The following MKRN2 variants were observed in gnomAD, a reference collection of about 807,000 sequenced individuals.
MKRN2 encodes the protein E3 ubiquitin-protein ligase makorin-2.
A neutral mutation model predicts 45.4 loss-of-function variants in MKRN2; 32 were observed. That is an observed-to-expected ratio of 0.70 (90% CI 0.53 to 0.95). The LOEUF is 0.95. Among genes scored for constraint, MKRN2 ranks in the 40% least tolerant of loss-of-function variants. The pLI is 0.00. For synonymous variants in MKRN2, 206 were observed against 192.4 expected, an observed-to-expected ratio of 1.07 and a Z score of -0.59; for missense variants, 526 against 536.7, an observed-to-expected ratio of 0.98 and a Z score of 0.20.
At chr3:12,571,888 G>A (rs2125304425) in intron 3 of MKRN2, among the ~76,000 whole-genome samples, 181 bp from the exon 4 acceptor site, 1 of 151,758 alleles carries the variant, frequency 6.6e-6, no homozygotes, top group South Asian at 2.1e-4. Flanking sequence ...TATAAGTAAT[G>A]TCACTATGAA....
At chr3:12,573,994 C>T (rs959032780) in intron 4 of MKRN2, among the ~76,000 whole-genome samples, 1 of 152,168 alleles carries the variant, frequency 6.6e-6, no homozygotes, top group Non-Finnish European at 1.5e-5. Context: ...TTACCATGGC[C>T]TCCCAGAGTA....
At chr3:12,569,429 G>C (rs755284820) in intron 2 of MKRN2, among the ~76,000 whole-genome samples, 19 of 151,920 alleles carry the variant, frequency 1.3e-4, no homozygotes, top group Non-Finnish European at 2.2e-4. Context: ...CAAAGTGCTG[G>C]AATTACAGGC....
chr3:12,569,412 AGCTTCCCAAAGT>A (rs1183647319), intron 2 of MKRN2, among the ~76,000 whole-genome samples: 34 of 151,570 alleles, frequency 2.2e-4, no homozygotes, highest in Non-Finnish European at 2.9e-5. Context: ...CTCCCGCCTC[AGCTTCCCAAAGT>A]GCTGGAATTA....
At chr3:12,573,045 G>A (rs1235934809) in intron 4 of MKRN2, among the ~76,000 whole-genome samples, 2 of 152,146 alleles carry the variant, frequency 1.3e-5, no homozygotes, top group African/African-American at 4.8e-5. Context: ...TCCCTCCCTG[G>A]GTTCACACTT....
intron 1 of MKRN2, among the ~76,000 whole-genome samples, chr3:12,567,839 T>A (rs959322176): frequency 6.6e-6 from 1 of 152,178 alleles, no homozygotes; most frequent in Non-Finnish European, 1.5e-5. Context: ...CTCTACTGTT[T>A]GAGTATTCAC....
At chr3:12,569,168 C>CTT (rs796210183) in intron 2 of MKRN2, among the ~76,000 whole-genome samples, 165 bp downstream of exon 2, 1 of 146,434 alleles carries the variant, frequency 6.8e-6, no homozygotes, top group African/African-American at 2.5e-5. Context: ...ATTTTCTTTT[C>CTT]TTTTTTTTTT....
chr3:12,566,976 A>G (rs776259190), intron 1 of MKRN2, among the ~76,000 whole-genome samples: 2 of 152,168 alleles, frequency 1.3e-5, no homozygotes, highest in Non-Finnish European at 2.9e-5. Context: ...CAGCATATTG[A>G]GCATATGTAT....
At chr3:12,576,497 G>A (rs1542848) in intron 5 of MKRN2, 134 bp from the exon 6 acceptor site, 203,280 of 579,740 alleles carry the variant, frequency 0.35, 38,895 homozygotes, top group African/African-American at 0.49. Flanking sequence ...TTGGATGATT[G>A]TGATTTCATC....
chr3:12,569,954 TG>T, intron 2 of MKRN2, 116 bp from the exon 3 acceptor site: 2 of 961,660 alleles, frequency 2.1e-6, no homozygotes, highest in South Asian at 3.7e-5. Flanking sequence ...TTGGAAAAGA[TG>T]GCCGCCTTCT....
At chr3:12,580,422 G>A (rs1336630341) in intron 6 of MKRN2, among the ~76,000 whole-genome samples, 2 of 151,990 alleles carry the variant, frequency 1.3e-5, no homozygotes, top group East Asian at 3.9e-4. Context: ...GCTGGCCAGG[G>A]AGCTTGTTCT....
rs138866481 is a variant in MKRN2 at position 12,569,731 on chromosome 3, C to G, written c.156-340C>G. On this transcript the variant is annotated intron_variant, in intron 2 of 7. Coordinates refer to ENST00000170447, the MANE Select transcript of MKRN2 (RefSeq NM_014160.5). ...CTTGTCAGCATTTTGGGGACTCCTGCTCAAAAGAATACTGGGTCAGTCAGG... is the reference window on the plus strand; with the variant it reads ...CTTGTCAGCATTTTGGGGACTCCTGGTCAAAAGAATACTGGGTCAGTCAGG... Among the ~76,000 whole-genome samples the G allele has an allele frequency of 3.7e-4, 57 of 152,172 alleles. No individual in the cohort carries two copies. In the East Asian group the frequency reaches 0.011, roughly 29 times the overall value.
intron 4 of MKRN2, 43 bp downstream of exon 4, chr3:12,572,416 G>T: frequency 6.6e-7 from 1 of 1,505,846 alleles, no homozygotes; most frequent in South Asian, 1.3e-5. Context: ...TAAGAAATCT[G>T]AAATGTACTG....
intron 1 of MKRN2, among the ~76,000 whole-genome samples, chr3:12,566,148 C>T (rs1575517847): frequency 6.6e-6 from 1 of 152,284 alleles, no homozygotes; most frequent in East Asian, 1.9e-4. Flanking sequence ...GCCTCTGAGC[C>T]CAGACTATTT....
intron 2 of MKRN2, 151 bp from the exon 3 acceptor site, chr3:12,569,920 G>A (rs2058088677): frequency 3.0e-6 from 2 of 670,438 alleles, no homozygotes; most frequent in African/African-American, 1.8e-5. Context: ...GTTAATAATC[G>A]ATAATCCTGT....
chr3:12,579,785 C>G (rs2058165832), intron 6 of MKRN2, among the ~76,000 whole-genome samples: 1 of 152,084 alleles, frequency 6.6e-6, no homozygotes. Flanking sequence ...ACACTTGAAT[C>G]CCAGTGTGAC....
chr3:12,557,175 A>G lies in MKRN2; in HGVS notation c.25A>G (p.Arg9Gly). Residue 9 changes from arginine (R) to glycine (G), a missense_variant and splice_region_variant, in exon 1 of 8, where the codon AGG becomes GGG. Arg to Gly is a moderately radical substitution (Grantham distance 125). Coordinates refer to ENST00000170447, the MANE Select transcript of MKRN2 (RefSeq NM_014160.5). MSTKQITC[R>G]YFMHGVCREG... ...CATGAGCACCAAGCAGATCACTTGC[A>G]GGTCAGTGCGCTGGAGCCAGGAGCT... The G allele has an allele frequency of 6.5e-7, 1 of 1,536,846 alleles. No individual in the cohort carries two copies. The highest frequency in any genetic ancestry group is 1.2e-5 in the South Asian group (1 of 82,650).
At chr3:12,574,756 C>T in intron 4 of MKRN2, 36 bp from the exon 5 acceptor site, 2 of 1,585,272 alleles carry the variant, frequency 1.3e-6, no homozygotes, top group South Asian at 1.1e-5. Context: ...CCTCAGTGGC[C>T]CACAACCAAA....
rs1409665041 is a variant in MKRN2, at chr3:12,583,233, A to G, written c.*980A>G. On this transcript the variant is annotated 3_prime_UTR_variant, in exon 8 of 8. Transcript: ENST00000170447. ...GAAGAGAGCTGATGGCAAGTCTTGT[A>G]GTCATTTTGATTTTAATTGAAGGGT... The G allele has an allele frequency of 2.0e-5, 3 of 152,254 alleles. No homozygotes were observed. Among genetic ancestry groups the G allele is most frequent in the African/African-American group, 7.2e-5 (3 of 41,462 alleles). The allele number at this position is 152,254 out of a possible 1,614,324, so 9.4% of individuals were successfully genotyped here. A position where few individuals can be genotyped will look rare whatever the true frequency, so the allele number is the denominator to read the frequency against.
At position 12,581,952 on chromosome 3, in the gene MKRN2, G is replaced by T. The variant is rs772253093; in HGVS notation, c.1113G>T (p.Arg371Ser). The change falls in exon 7 of 8, where the codon AGG becomes AGT. Residue 371 changes from arginine to serine, a missense_variant and splice_region_variant. Physicochemically the swap from Arg to Ser is moderately radical, Grantham distance 110 (BLOSUM62 -1). Transcript: ENST00000170447. ...RKQLSSQGTV[R>S]FFNSVRLWDF... ...AGCTCAGTTCTCAAGGCACTGTGAG[G>T]GTAAGGACTTTAGCCATCTCTAGTT... The T allele has an allele frequency of 6.2e-7, 1 of 1,613,908 alleles. No individual in the cohort carries two copies.
Sources: gnomAD v4.1 joint callset for allele counts (sites outside exome capture counted in the v4.1 genomes callset) on GRCh38, gnomAD v4.1.1 for gene constraint, MANE v1.5 for transcripts, NCBI Gene and HGNC (gene_info 2026-07-23, HGNC 2026-07-21) for gene names.